Variants in ERCC4 observed in about 807,000 individuals in gnomAD.
ERCC4 encodes the protein ERCC excision repair 4, endonuclease catalytic subunit.
Under a neutral mutation model 76.9 loss-of-function variants are expected in ERCC4, and 65 were observed. That is an observed-to-expected ratio of 0.84 (90% confidence interval 0.69 to 1.04). The LOEUF (loss-of-function observed/expected upper bound fraction) is 1.04. Ranked by LOEUF, ERCC4 falls within the 50% of genes least tolerant of loss-of-function variation. The pLI is 0.00. For missense variants in ERCC4, 1,214 were observed against 1,128.2 expected (o/e 1.08, Z -1.09); for synonymous variants, 463 against 410.1 (o/e 1.13, Z -1.56).
chr16:13,937,418 CAAAG>C (rs915536874), intron 8 of ERCC4, among the ~76,000 whole-genome samples: 4 of 151,982 alleles, frequency 2.6e-5, no homozygotes, highest in African/African-American at 7.3e-5. Flanking sequence ...GGCTGAGGTA[CAAAG>C]AAAGAATTGG....
rs2032578336 is a variant in ERCC4, at chr16:13,948,955, C to G, written c.*608C>G. On this transcript the variant is annotated 3_prime_UTR_variant, in exon 11 of 11. Transcript: ENST00000311895. ...AGAAACATCTCTTTGCCATTCCTGA[C>G]CAGTTCTCTCTACCACATTTTCTTC... 1 of 232,554 alleles carries G rather than the reference C, an allele frequency of 4.3e-6. No individual in the cohort carries two copies. The highest frequency in any genetic ancestry group is 8.5e-6 in the Non-Finnish European group (1 of 117,718). 14.4% of individuals were successfully genotyped at this position (232,554 alleles called of 1,614,324 possible). A position where few individuals can be genotyped will look rare whatever the true frequency, so the allele number is the denominator to read the frequency against.
At chr16:13,940,358 A>G (rs1312704128) in intron 9 of ERCC4, among the ~76,000 whole-genome samples, 1 of 151,846 alleles carries the variant, frequency 6.6e-6, no homozygotes, top group Non-Finnish European at 1.5e-5. Flanking sequence ...ACTGCACTCC[A>G]GCCTGGGCAA....
Position 13,934,385 on chromosome 16 carries a change from A to G in ERCC4, c.1213+83A>G. The G allele has an allele frequency of 3.3e-6, 3 of 895,918 alleles. No homozygotes were observed. The Admixed American group carries it at 5.1e-5, about 15-fold the overall frequency. 55.5% of individuals were successfully genotyped at this position (895,918 alleles called of 1,614,324 possible). ...TTAATTAGCTCTTTAAAAGTAGTTC[A>G]AGACTAGCCTGACCAACATGGTGAA... On this transcript the variant is annotated intron_variant, in intron 7 of 10. Coordinates refer to ENST00000311895, the MANE Select transcript of ERCC4 (RefSeq NM_005236.3).
chr16:13,928,513 C>T (rs555837306), intron 4 of ERCC4, among the ~76,000 whole-genome samples: 3 of 152,138 alleles, frequency 2.0e-5, no homozygotes, highest in African/African-American at 7.2e-5. Flanking sequence ...ACTTTTTTTA[C>T]TTTGAAATGA....
At chr16:13,938,693 C>T (rs927405990) in intron 9 of ERCC4, among the ~76,000 whole-genome samples, 2 of 152,162 alleles carry the variant, frequency 1.3e-5, no homozygotes, top group African/African-American at 4.8e-5. Flanking sequence ...AACTTCCAAG[C>T]CTCAGACATT....
Position 13,951,748 on chromosome 16 carries a change from A to AG in ERCC4, c.*3406dup. 1 of 221,796 alleles carries AG rather than the reference A, an allele frequency of 4.5e-6. No individual in the cohort carries two copies. Among genetic ancestry groups the AG allele is most frequent in the Admixed American group, 5.8e-5 (1 of 17,364 alleles). The allele number at this position is 221,796 out of a possible 1,614,324, so 13.7% of individuals were successfully genotyped here. On this transcript the variant is annotated 3_prime_UTR_variant, in exon 11 of 11. Coordinates refer to ENST00000311895, the MANE Select transcript of ERCC4 (RefSeq NM_005236.3). ...TAAAGCAAATCCGAAGAAGTGGGGC[A>AG]GGGGGAAAGAGGCATTACTGGTCTT...
intron 4 of ERCC4, 181 bp from the exon 5 acceptor site, chr16:13,930,529 T>G: frequency 1.7e-6 from 1 of 583,608 alleles, no homozygotes; most frequent in Non-Finnish European, 3.0e-6. Context: ...TGAAATGTTC[T>G]AGCCACTTCC....
At position 13,935,382 on chromosome 16, in the gene ERCC4, A is replaced by G. The variant is rs764739776; in HGVS notation, c.1450A>G (p.Thr484Ala). 6.2e-7 allele frequency: 1 copy of G among 1,607,776 alleles called. No homozygotes were observed. Among genetic ancestry groups the G allele is most frequent in the East Asian group, 2.2e-5 (1 of 44,860 alleles). ...NKERASTKERTLKKKKRKLTL... is the reference protein window; with the variant it reads ...NKERASTKERALKKKKRKLTL... Reference sequence around the variant, plus strand: ...AGAACGGGCTTCTACCAAAGAAAGAACCCTCAAAAAGAAAAAACGGAAGTT... The same window carrying G: ...AGAACGGGCTTCTACCAAAGAAAGAGCCCTCAAAAAGAAAAAACGGAAGTT... The change falls in exon 8 of 11, where the codon ACC becomes GCC. Residue 484 changes from threonine (T) to alanine (A), a missense_variant. By Grantham distance (58) the Thr-to-Ala change is moderately conservative. Transcript: ENST00000311895.
At chr16:13,922,780 T>C (rs1287715229) in intron 2 of ERCC4, 1 of 224,680 alleles carries the variant, frequency 4.5e-6, no homozygotes, top group Non-Finnish European at 8.9e-6. Flanking sequence ...CACTACTGGA[T>C]CCTTTTGTTC....
chr16:13,947,807 T>A lies in ERCC4; in HGVS notation c.2211T>A (p.Asn737Lys). Residue 737 changes from asparagine (N) to lysine (K), a missense_variant, in exon 11 of 11, where the codon AAT becomes AAA. Coordinates refer to ENST00000311895, the MANE Select transcript of ERCC4 (RefSeq NM_005236.3). ...TCAGTGATTTAATCGGCTCTTTAAA[T>A]AACGGCCGCCTCTACAGCCAGTGCA... is the stretch of plus-strand genomic sequence containing the variant. ...KSISDLIGSL[N>K]NGRLYSQCIS... 1 of 1,614,262 alleles carries A rather than the reference T, an allele frequency of 6.2e-7. No individual in the cohort carries two copies. Among genetic ancestry groups the A allele is most frequent in the Non-Finnish European group, 8.5e-7 (1 of 1,180,048 alleles).
Position 13,935,614 on chromosome 16 carries a change from G to A in ERCC4, c.1682G>A (p.Ser561Asn), listed in dbSNP as rs2141607949. 6 of 1,614,088 alleles carry A rather than the reference G, an allele frequency of 3.7e-6. No homozygotes were observed. The highest frequency in any genetic ancestry group is 5.1e-6 in the Non-Finnish European group (6 of 1,179,984). ...LTIIHPLLGCSDPYALTRVLH... is the reference protein window; with the variant it reads ...LTIIHPLLGCNDPYALTRVLH... ...ATCATCCATCCGCTTCTGGGTTGCA[G>A]CGACCCCTATGCTCTGACAAGGGTA... is the stretch of plus-strand genomic sequence containing the variant. Residue 561 changes from serine (S) to asparagine (N), a missense_variant, in exon 8 of 11, where the codon AGC becomes AAC. Coordinates refer to ENST00000311895, the MANE Select transcript of ERCC4 (RefSeq NM_005236.3).
intron 4 of ERCC4, among the ~76,000 whole-genome samples, chr16:13,930,328 T>C (rs528917616): frequency 1.3e-5 from 2 of 152,190 alleles, no homozygotes; most frequent in South Asian, 2.1e-4. Context: ...ATTGAACATA[T>C]CTGAGCTACA....
At position 13,922,263 on chromosome 16, in the gene ERCC4, T is replaced by C. The variant is rs763445140; in HGVS notation, c.388+52T>C. On this transcript the variant is annotated intron_variant, in intron 2 of 10. Coordinates refer to ENST00000311895, the MANE Select transcript of ERCC4 (RefSeq NM_005236.3). Reference sequence around the variant, plus strand: ...TATGTAAATTTGTACTTTTTTTTTTTTAAGTACAATTTCCATTTTATTTTT... The same window carrying C: ...TATGTAAATTTGTACTTTTTTTTTTCTAAGTACAATTTCCATTTTATTTTT... 2.5e-5 allele frequency: 30 copies of C among 1,215,304 alleles called. No homozygotes were observed. In the South Asian group the frequency reaches 3.5e-4, roughly 14 times the overall value. The allele number at this position is 1,215,304 out of a possible 1,614,324, so 75.3% of individuals were successfully genotyped here. A position where few individuals can be genotyped will look rare whatever the true frequency, so the allele number is the denominator to read the frequency against.
intron 4 of ERCC4, among the ~76,000 whole-genome samples, chr16:13,930,185 C>G (rs1278025016): frequency 6.6e-6 from 1 of 151,980 alleles, no homozygotes; most frequent in Non-Finnish European, 1.5e-5. Context: ...AAACATGATA[C>G]TCATGTACAA....
At chr16:13,937,618 G>A in intron 8 of ERCC4, 148 bp from the exon 9 acceptor site, 1 of 689,862 alleles carries the variant, frequency 1.4e-6, no homozygotes, top group Non-Finnish European at 2.7e-6. Context: ...CTTAATTTGA[G>A]CTAGTGTGTG....
intron 8 of ERCC4, 97 bp from the exon 9 acceptor site, chr16:13,937,669 T>G: frequency 1.3e-6 from 1 of 781,356 alleles, no homozygotes; most frequent in Non-Finnish European, 2.3e-6. Flanking sequence ...ATTTGTTATT[T>G]GAGCGCTCTA....
In ERCC4 at chr16:13,932,039, G is replaced by A. The variant is rs939327004; in HGVS notation, c.974-118G>A. 9.2e-6 allele frequency: 8 copies of A among 870,072 alleles called. No individual in the cohort carries two copies. The East Asian group carries it at 9.6e-5, about 10-fold the overall frequency. The allele number at this position is 870,072 out of a possible 1,614,324, so 53.9% of individuals were successfully genotyped here. ...ACAGATCACAGTAGTGGGAGGCGGT[G>A]TGGTTGGTAGGAAGACAGGATGACA... is the stretch of plus-strand genomic sequence containing the variant. On this transcript the variant is annotated intron_variant, in intron 5 of 10. Coordinates refer to ENST00000311895, the MANE Select transcript of ERCC4 (RefSeq NM_005236.3).
intron 9 of ERCC4, among the ~76,000 whole-genome samples, chr16:13,938,345 T>G (rs963429259): frequency 1.3e-5 from 2 of 152,224 alleles, no homozygotes; most frequent in Non-Finnish European, 2.9e-5. Context: ...GGAAGTGTGT[T>G]GTTTGTCTGG....
Position 13,935,625 on chromosome 16 carries a change from G to A in ERCC4, c.1693G>A (p.Ala565Thr), listed in dbSNP as rs2032273235. 1.9e-6 allele frequency: 3 copies of A among 1,614,086 alleles called. No homozygotes were observed. The highest frequency in any genetic ancestry group is 1.1e-5 in the South Asian group (1 of 91,068). The stretch of plus-strand genomic sequence containing the variant: ...GCTTCTGGGTTGCAGCGACCCCTAT[G>A]CTCTGACAAGGGTACTACATGAAGT... ...HPLLGCSDPYALTRVLHEVEP... is the reference protein window; with the variant it reads ...HPLLGCSDPYTLTRVLHEVEP... The change falls in exon 8 of 11, where the codon GCT (alanine) becomes ACT (threonine). Residue 565 changes from alanine (A) to threonine (T), a missense_variant. Physicochemically the swap from Ala to Thr is moderately conservative, Grantham distance 58. Coordinates refer to ENST00000311895, the MANE Select transcript of ERCC4 (RefSeq NM_005236.3).
Sources: allele counts gnomAD v4.1 joint callset (sites outside exome capture counted in the v4.1 genomes callset), GRCh38; gene constraint gnomAD v4.1.1; transcripts MANE v1.5; gene names NCBI Gene and HGNC (gene_info 2026-07-23, HGNC 2026-07-21).